The following CNTN4 variants were observed in gnomAD, a reference collection of about 807,000 sequenced individuals.
CNTN4 encodes the protein contactin 4.
A neutral mutation model predicts 122.5 loss-of-function variants in CNTN4; 77 were observed. That is an observed-to-expected ratio of 0.63 (90% CI 0.52 to 0.76). The LOEUF is 0.76. CNTN4 is among the 30% of genes least tolerant of loss of function. The probability of loss-of-function intolerance (pLI) is 0.00; values close to 1 mark genes in which losing one functional copy is unlikely to be tolerated. For synonymous variants in CNTN4, 512 were observed against 447.0 expected (o/e 1.15, Z -1.83); for missense variants, 1,256 against 1,259.1 (o/e 1.00, Z 0.04).
intron 3 of CNTN4, among the ~76,000 whole-genome samples, chr3:2,494,923 G>C (rs938511814): frequency 6.6e-6 from 1 of 151,922 alleles, no homozygotes; most frequent in East Asian, 1.9e-4. Context: ...TCTATATCAG[G>C]GTTTCTCAAC....
At chr3:2,697,647 A>G (rs2086113640) in intron 4 of CNTN4, among the ~76,000 whole-genome samples, 1 of 152,214 alleles carries the variant, frequency 6.6e-6, no homozygotes, top group Non-Finnish European at 1.5e-5. Context: ...AGGCTAGTTA[A>G]AGTTCTCCAT....
At chr3:2,578,825 C>G (rs1016545832) in intron 4 of CNTN4, among the ~76,000 whole-genome samples, 5 of 151,820 alleles carry the variant, frequency 3.3e-5, no homozygotes, top group African/African-American at 1.2e-4. Flanking sequence ...AAGACTTAGT[C>G]AAGAAGACAG....
At chr3:2,474,228 G>T (rs2075775516) in intron 3 of CNTN4, among the ~76,000 whole-genome samples, 1 of 152,056 alleles carries the variant, frequency 6.6e-6, no homozygotes, top group Non-Finnish European at 1.5e-5. Flanking sequence ...TAATTGTTTG[G>T]TTTTTAGTCT....
chr3:2,120,370 TATAA>T (rs1256346984), intron 2 of CNTN4, among the ~76,000 whole-genome samples: 19 of 87,748 alleles, frequency 2.2e-4, no homozygotes, highest in Middle Eastern at 5.8e-3. Context: ...TATATATATA[TATAA>T]ATATATATAT....
chr3:2,836,578 G>A (rs1047725799), intron 7 of CNTN4, among the ~76,000 whole-genome samples: 4 of 151,792 alleles, frequency 2.6e-5, no homozygotes, highest in Admixed American at 2.6e-4. Flanking sequence ...AGTAAATATG[G>A]CATTACTCAA....
chr3:2,874,031 C>G (rs1260047460), intron 8 of CNTN4, among the ~76,000 whole-genome samples: 1 of 152,186 alleles, frequency 6.6e-6, no homozygotes, highest in Non-Finnish European at 1.5e-5. Flanking sequence ...AGGAGAACAT[C>G]TAAATGACTA....
At chr3:3,039,041 C>T (rs775453853) in intron 19 of CNTN4, 38 bp downstream of exon 19, 24 of 1,515,938 alleles carry the variant, frequency 1.6e-5, no homozygotes, top group Middle Eastern at 1.7e-4. Context: ...GTACACGCAT[C>T]GAAGCTATTT....
chr3:2,381,339 A>G (rs2046015092), intron 3 of CNTN4, among the ~76,000 whole-genome samples: 3 of 152,036 alleles, frequency 2.0e-5, no homozygotes, highest in African/African-American at 7.2e-5. Flanking sequence ...AATGGGCCCC[A>G]ATATTTGCCT....
At chr3:2,182,911 G>A (rs13078705) in intron 2 of CNTN4, among the ~76,000 whole-genome samples, 1 of 151,270 alleles carries the variant, frequency 6.6e-6, no homozygotes, top group Admixed American at 6.6e-5. Context: ...CTTTGTTTCA[G>A]ATTATATTGA....
At chr3:2,474,797 C>G (rs1221842869) in intron 3 of CNTN4, among the ~76,000 whole-genome samples, 1 of 152,108 alleles carries the variant, frequency 6.6e-6, no homozygotes, top group Non-Finnish European at 1.5e-5. Flanking sequence ...CACTTGAATC[C>G]ATATCTCAGG....
At position 2,435,229 on chromosome 3, in the gene CNTN4, G is replaced by T. The variant is rs2048218283; in HGVS notation, c.-89+95996G>T. ...TAAATACAGTCATCCCTCAGTGTCT[G>T]CGAGGAATTGCTTCCAGGACCTCCC... On this transcript the variant is annotated intron_variant, in intron 3 of 24. Transcript: ENST00000418658. Among the ~76,000 whole-genome samples the T allele has an allele frequency of 2.0e-5, 3 of 152,120 alleles. No individual in the cohort carries two copies. In the South Asian group the frequency reaches 6.2e-4, roughly 32 times the overall value.
At chr3:2,642,798 C>T (rs1576322388) in intron 4 of CNTN4, among the ~76,000 whole-genome samples, 1 of 152,162 alleles carries the variant, frequency 6.6e-6, no homozygotes. Flanking sequence ...GCTATTCCTT[C>T]CTCACTCATC....
chr3:2,574,256 A>C (rs539734009), intron 4 of CNTN4, among the ~76,000 whole-genome samples: 2 of 152,092 alleles, frequency 1.3e-5, no homozygotes, highest in South Asian at 4.1e-4. Context: ...AAAACTGCTC[A>C]TTCTTTTCCT....
chr3:2,101,693 CAT>C (rs1417754103), intron 2 of CNTN4, among the ~76,000 whole-genome samples: 1 of 152,034 alleles, frequency 6.6e-6, no homozygotes, highest in Non-Finnish European at 1.5e-5. Context: ...AATCTGACAA[CAT>C]ATCAATAAAA....
In CNTN4 at chr3:2,391,877, A is replaced by T. The variant is rs146907663; in HGVS notation, c.-89+52644A>T. On this transcript the variant is annotated intron_variant, in intron 3 of 24. Coordinates refer to ENST00000418658, the MANE Select transcript of CNTN4 (RefSeq NM_175607.3). ...TCTAATGTCCCATCAGTTTTGGAAA[A>T]GTGGTAGTGAAGCTTCTTCGAATAG... Among the ~76,000 whole-genome samples, 508 of 152,320 alleles carry T rather than the reference A, an allele frequency of 3.3e-3. 5 individuals carry two copies. Among genetic ancestry groups the T allele is most frequent in the African/African-American group, 0.012 (491 of 41,578 alleles).
intron 4 of CNTN4, among the ~76,000 whole-genome samples, chr3:2,657,482 T>G (rs1051178714): frequency 3.9e-5 from 6 of 152,180 alleles, no homozygotes; most frequent in African/African-American, 1.4e-4. Flanking sequence ...AATTTAAGAT[T>G]AGTATTTATT....
intron 14 of CNTN4, among the ~76,000 whole-genome samples, chr3:3,022,071 C>CAAA (rs36094888): frequency 3.6e-5 from 4 of 110,624 alleles, no homozygotes; most frequent in African/African-American, 1.1e-4. Context: ...ACCAAGAATT[C>CAAA]AAAAAAAAAA....
intron 13 of CNTN4, among the ~76,000 whole-genome samples, chr3:2,946,902 C>G (rs1014871311): frequency 1.3e-5 from 2 of 151,972 alleles, no homozygotes; most frequent in Non-Finnish European, 1.5e-5. Flanking sequence ...AGTGGGGTCT[C>G]CCTTTGTTGC....
chr3:2,138,066 CTTTT>C (rs374358543), intron 2 of CNTN4, among the ~76,000 whole-genome samples: 2 of 136,002 alleles, frequency 1.5e-5, no homozygotes, highest in Admixed American at 1.5e-4. Context: ...TCTTCTTCTT[CTTTT>C]TTTTTTTTTT....
Sources: allele counts gnomAD v4.1 joint callset (sites outside exome capture counted in the v4.1 genomes callset), GRCh38; gene constraint gnomAD v4.1.1; transcripts MANE v1.5; gene names NCBI Gene and HGNC (gene_info 2026-07-23, HGNC 2026-07-21).